Variants in NF1 observed in about 807,000 individuals in gnomAD.
NF1 encodes the protein neurofibromin 1, also known as neurofibromin.
Under a neutral mutation model 325.7 loss-of-function variants are expected in NF1, and 122 were observed. That is an observed-to-expected ratio of 0.37 (90% CI 0.32 to 0.44). The LOEUF (loss-of-function observed/expected upper bound fraction) is 0.44. NF1 is among the 20% of genes least tolerant of loss of function. The pLI is 1.00. For missense variants in NF1, 2,140 were observed against 3,415.4 expected, an observed-to-expected ratio of 0.63 and a Z score of 9.31; for synonymous variants, 1,091 against 1,186.0, an observed-to-expected ratio of 0.92 and a Z score of 1.65.
chr17:31,214,258 A>G (rs2066780571), intron 12 of NF1, among the ~76,000 whole-genome samples, 193 bp from the exon 13 acceptor site: 1 of 151,994 alleles, frequency 6.6e-6, no homozygotes, highest in Non-Finnish European at 1.5e-5. Context: ...TGCAAAAACG[A>G]TTTTCATTGT....
chr17:31,264,892 CCATT>C (rs2067758524), intron 35 of NF1, among the ~76,000 whole-genome samples: 1 of 152,066 alleles, frequency 6.6e-6, no homozygotes, highest in Admixed American at 6.5e-5. Context: ...CCTTTTTCAT[CCATT>C]CAAAATCCAT....
intron 36 of NF1, among the ~76,000 whole-genome samples, chr17:31,311,676 G>A (rs1343159643): frequency 3.9e-5 from 6 of 152,156 alleles, no homozygotes; most frequent in Admixed American, 2.0e-4. Flanking sequence ...GCTAGGTGGT[G>A]GTTTTTTCAT....
chr17:31,150,377 C>T (rs1007193040), intron 1 of NF1, among the ~76,000 whole-genome samples: 3 of 152,158 alleles, frequency 2.0e-5, no homozygotes, highest in Admixed American at 6.5e-5. Flanking sequence ...AGTTAACACA[C>T]CACGCACCAC....
intron 11 of NF1, among the ~76,000 whole-genome samples, chr17:31,205,765 A>G (rs1390355813): frequency 6.6e-6 from 1 of 152,160 alleles, no homozygotes; most frequent in African/African-American, 2.4e-5. Context: ...GTAAACATAT[A>G]AGTAATGGTT....
intron 5 of NF1, among the ~76,000 whole-genome samples, chr17:31,177,197 C>T (rs2066039840): frequency 1.3e-5 from 2 of 152,104 alleles, no homozygotes; most frequent in South Asian, 2.1e-4. Flanking sequence ...AGGTGCCCCT[C>T]TGGGACAAAG....
intron 36 of NF1, among the ~76,000 whole-genome samples, chr17:31,274,928 T>G (rs1156923179): frequency 6.6e-6 from 1 of 152,212 alleles, no homozygotes; most frequent in African/African-American, 2.4e-5. Flanking sequence ...TATCTAGATA[T>G]ATTCTTCTCA....
chr17:31,353,791 A>G (rs190054491), intron 51 of NF1, among the ~76,000 whole-genome samples: 59 of 152,360 alleles, frequency 3.9e-4, no homozygotes, highest in African/African-American at 1.2e-3. Context: ...ATGCAAACAT[A>G]TTTAAGTATC....
intron 35 of NF1, among the ~76,000 whole-genome samples, chr17:31,262,068 A>G (rs185274106): frequency 6.6e-6 from 1 of 152,306 alleles, no homozygotes; most frequent in Admixed American, 6.5e-5. Flanking sequence ...ATAGTAACAA[A>G]TCATATTTTA....
At chr17:31,338,841 G>A (rs1185231064) in intron 46 of NF1, 36 bp downstream of exon 46, 2 of 1,271,184 alleles carry the variant, frequency 1.6e-6, no homozygotes, top group Non-Finnish European at 2.3e-6. Context: ...CATTCATTTT[G>A]GGTATCAGTG....
At chr17:31,159,996 A>G (rs1223436389) in intron 3 of NF1, among the ~76,000 whole-genome samples, 1 of 152,166 alleles carries the variant, frequency 6.6e-6, no homozygotes, top group Non-Finnish European at 1.5e-5. Flanking sequence ...TGGTGGAAGC[A>G]TTGGGGTAGG....
chr17:31,259,359 A>T (rs1205342490), intron 33 of NF1, among the ~76,000 whole-genome samples: 1 of 152,144 alleles, frequency 6.6e-6, no homozygotes, highest in Non-Finnish European at 1.5e-5. Flanking sequence ...ACCAAGAGGG[A>T]TTTTTGACAT....
chr17:31,318,352 C>T, intron 36 of NF1: 13 of 1,611,800 alleles, frequency 8.1e-6, no homozygotes, highest in Non-Finnish European at 1.1e-5. Flanking sequence ...TTCATCTTTT[C>T]TTTCCCTTGT....
chr17:31,357,216 A>T (rs780198288), intron 53 of NF1, 53 bp from the exon 54 acceptor site: 186 of 1,598,564 alleles, frequency 1.2e-4, no homozygotes, highest in Non-Finnish European at 1.5e-4. Context: ...AACAGATAAC[A>T]ATTCAGCCAC....
At chr17:31,364,171 C>T (rs953464063) in intron 57 of NF1, among the ~76,000 whole-genome samples, 1 of 152,210 alleles carries the variant, frequency 6.6e-6, no homozygotes, top group African/African-American at 2.4e-5. Flanking sequence ...TTCCTTATCT[C>T]CATTCCCAGC....
rs571423346 is a variant in NF1 at position 31,224,996 on chromosome 17, T to G, written c.1846-99T>G. 3.2e-4 allele frequency: 437 copies of G among 1,346,172 alleles called. 7 individuals are homozygous for G. The East Asian group carries it at 9.9e-3, about 30-fold the overall frequency. 83.4% of individuals were successfully genotyped at this position (1,346,172 alleles called of 1,614,324 possible). A position where few individuals can be genotyped will look rare whatever the true frequency, so the allele number is the denominator to read the frequency against. Reference sequence around the variant, plus strand: ...GGGCATAGAGATTGAGAGGAGAGGTTTTTTAGGAGAGTCTCAAACAGGAAG... The same window carrying G: ...GGGCATAGAGATTGAGAGGAGAGGTGTTTTAGGAGAGTCTCAAACAGGAAG... On this transcript the variant is annotated intron_variant, in intron 16 of 57. Transcript: ENST00000358273.
At chr17:31,128,003 G>A (rs12939853) in intron 1 of NF1, among the ~76,000 whole-genome samples, 84,238 of 151,818 alleles carry the variant, frequency 0.55, 26,402 homozygotes, top group Middle Eastern at 0.77. Flanking sequence ...ATGCAGTGGC[G>A]CAATCACAGT....
chr17:31,149,932 A>G (rs1000359101), intron 1 of NF1, among the ~76,000 whole-genome samples: 2 of 152,188 alleles, frequency 1.3e-5, no homozygotes, highest in Non-Finnish European at 2.9e-5. Flanking sequence ...ACTGGTCCAA[A>G]GAAAGAGCTG....
In NF1 at chr17:31,283,500, C is replaced by T. The variant is rs112013789; in HGVS notation, c.4835+18161C>T. ...ACAGGGTCTCACTCTGTCGCCCAGG[C>T]TGAAGTGCAGTGACGCAGTCACAGC... On this transcript the variant is annotated intron_variant, in intron 36 of 57. Coordinates refer to ENST00000358273, the MANE Select transcript of NF1 (RefSeq NM_001042492.3). 3.3e-3 allele frequency among the ~76,000 whole-genome samples: 506 copies of T among 152,104 alleles called. 2 individuals carry two copies. Among genetic ancestry groups the T allele is most frequent in the African/African-American group, 0.012 (482 of 41,544 alleles).
At chr17:31,282,483 C>T (rs2068140484) in intron 36 of NF1, among the ~76,000 whole-genome samples, 2 of 151,996 alleles carry the variant, frequency 1.3e-5, no homozygotes, top group Non-Finnish European at 2.9e-5. Flanking sequence ...AAAGAAACCT[C>T]ATAGCCATCA....
Sources: allele counts gnomAD v4.1 joint callset (sites outside exome capture counted in the v4.1 genomes callset), GRCh38; gene constraint gnomAD v4.1.1; transcripts MANE v1.5; gene names NCBI Gene and HGNC (gene_info 2026-07-23, HGNC 2026-07-21).